Variants in CPVL observed in about 807,000 individuals in gnomAD.
The protein encoded by CPVL is probable serine carboxypeptidase CPVL.
In CPVL, 51 loss-of-function variants were observed where a neutral mutation model predicts 63.7. That is an observed-to-expected ratio of 0.80 (90% CI 0.64 to 1.01). The LOEUF (loss-of-function observed/expected upper bound fraction) is 1.01. Among genes scored for constraint, CPVL ranks in the 50% least tolerant of loss-of-function variants. The probability of loss-of-function intolerance (pLI) is 0.00; values close to 1 mark genes in which losing one functional copy is unlikely to be tolerated. For missense variants in CPVL, 530 were observed against 573.1 expected (o/e 0.92, Z 0.77); for synonymous variants, 195 against 206.0 (o/e 0.95, Z 0.46).
Position 29,175,995 on chromosome 7 carries a change from A to G in CPVL, c.-11+5295T>C, listed in dbSNP as rs957020628. 2.0e-4 allele frequency among the ~76,000 whole-genome samples: 30 copies of G among 152,192 alleles called. 1 individual carries two copies. The highest frequency in any genetic ancestry group is 3.4e-4 in the Non-Finnish European group (23 of 67,984). ...AGGTCAGGAGATCAAGACCATCCTG[A>G]CTAACACGGTGAAACCCCGTCTCTA... On this transcript the variant is annotated intron_variant, in intron 5 of 16. Coordinates refer to the CPVL transcript ENST00000409850.
At position 29,146,411 on chromosome 7, in the gene CPVL, AG is replaced by A; in HGVS notation, c.-11+17del. Reference sequence around the variant, plus strand: ...CCCGCTGAGCTGGCACGACCCACGCAGGGCAGGCGGCACTTACGCGGCGCAG... The same window carrying A: ...CCCGCTGAGCTGGCACGACCCACGCAGGCAGGCGGCACTTACGCGGCGCAG... On this transcript the variant is annotated intron_variant, in intron 1 of 12. Coordinates refer to ENST00000265394, the MANE Select transcript of CPVL (RefSeq NM_031311.5). The A allele has an allele frequency of 2.0e-6, 2 of 977,100 alleles. No homozygotes were observed. The highest frequency in any genetic ancestry group is 2.9e-6 in the Non-Finnish European group (2 of 687,542). The allele number at this position is 977,100 out of a possible 1,614,324, so 60.5% of individuals were successfully genotyped here.
At position 29,146,415 on chromosome 7, in the gene CPVL, C is replaced by A. The variant is rs549958548; in HGVS notation, c.-11+14G>T. 30 of 1,015,496 alleles carry A rather than the reference C, an allele frequency of 3.0e-5. No homozygotes were observed. Among genetic ancestry groups the A allele is most frequent in the Middle Eastern group, 3.3e-4 (1 of 3,054 alleles). 62.9% of individuals were successfully genotyped at this position (1,015,496 alleles called of 1,614,324 possible). ...CTGAGCTGGCACGACCCACGCAGGG[C>A]AGGCGGCACTTACGCGGCGCAGTCG... On this transcript the variant is annotated intron_variant, in intron 1 of 12. Transcript: ENST00000265394.
chr7:29,149,887 T>C (rs189819041), upstream of CPVL, among the ~76,000 whole-genome samples: 1 of 152,314 alleles, frequency 6.6e-6, no homozygotes, highest in Admixed American at 6.5e-5. Flanking sequence ...ACCAATGACA[T>C]TGGATTAGGG....
chr7:29,173,311 C>G (rs1796855089), intron 5 of CPVL, among the ~76,000 whole-genome samples: 1 of 152,028 alleles, frequency 6.6e-6, no homozygotes, highest in African/African-American at 2.4e-5. Context: ...TGCTGGTAGC[C>G]TCGAGTGGGG....
intron 6 of CPVL, among the ~76,000 whole-genome samples, chr7:29,091,733 A>G (rs1785821685): frequency 6.6e-6 from 1 of 152,202 alleles, no homozygotes; most frequent in Admixed American, 6.5e-5. Context: ...GCAGAGGGAG[A>G]GATCTTTGGG....
At position 29,057,557 on chromosome 7, in the gene CPVL, T is replaced by A. The variant is rs79942913; in HGVS notation, c.1137+6504A>T. 9.3e-3 allele frequency among the ~76,000 whole-genome samples: 1,413 copies of A among 152,312 alleles called. 22 individuals carry two copies. Among genetic ancestry groups the A allele is most frequent in the African/African-American group, 0.031 (1,269 of 41,558 alleles). ...TGGATTGTTCCTTTAGCATTGTATC[T>A]GAAACATCAACACCATACCCAAGGT... On this transcript the variant is annotated intron_variant, in intron 11 of 12. Coordinates refer to ENST00000265394, the MANE Select transcript of CPVL (RefSeq NM_031311.5).
intron 5 of CPVL, among the ~76,000 whole-genome samples, chr7:29,153,335 C>A (rs1793871846): frequency 6.6e-6 from 1 of 152,140 alleles, no homozygotes; most frequent in Non-Finnish European, 1.5e-5. Context: ...TGTGTTTCAA[C>A]TACACAAGTC....
At chr7:29,129,781 A>G (rs760843631) in intron 1 of CPVL, among the ~76,000 whole-genome samples, 1 of 152,118 alleles carries the variant, frequency 6.6e-6, no homozygotes, top group Non-Finnish European at 1.5e-5. Flanking sequence ...AAGTAACTTT[A>G]CACCAACCTA....
intron 7 of CPVL, among the ~76,000 whole-genome samples, chr7:29,082,866 A>G (rs17676552): frequency 0.11 from 16,125 of 152,318 alleles, 1,074 homozygotes; most frequent in Middle Eastern, 0.15. Context: ...CATCATGGTT[A>G]ACAACATCAC....
chr7:29,121,227 A>G (rs1284827203), intron 1 of CPVL, among the ~76,000 whole-genome samples, 156 bp from the exon 2 acceptor site: 1 of 152,116 alleles, frequency 6.6e-6, no homozygotes, highest in Non-Finnish European at 1.5e-5. Context: ...AGCACACCCA[A>G]TCCCTGCTTA....
chr7:29,059,011 T>C (rs1791016655), intron 11 of CPVL, among the ~76,000 whole-genome samples: 1 of 152,148 alleles, frequency 6.6e-6, no homozygotes, highest in Non-Finnish European at 1.5e-5. Flanking sequence ...TCCTTCTCTT[T>C]CTTCTTGTTC....
intron 12 of CPVL, among the ~76,000 whole-genome samples, chr7:29,027,304 T>C (rs911060189): frequency 6.6e-6 from 1 of 152,082 alleles, no homozygotes; most frequent in Admixed American, 6.6e-5. Flanking sequence ...TGATAAAAAC[T>C]GTCAACAAAT....
At chr7:29,065,189 A>T (rs948477039) in intron 10 of CPVL, among the ~76,000 whole-genome samples, 3 of 152,216 alleles carry the variant, frequency 2.0e-5, no homozygotes, top group African/African-American at 7.2e-5. Flanking sequence ...TTTGTGCTTC[A>T]TCAACAATTT....
In CPVL at chr7:29,086,526, T is replaced by G; in HGVS notation, c.567A>C (p.Ile189=). The change falls in exon 7 of 13, where the codon ATA becomes ATC. Residue 189 remains isoleucine, a synonymous_variant. Transcript: ENST00000265394. ...LYSALIQFFQ[I]FPEYKNNDFY... Reference sequence around the variant, plus strand: ...AGTCATTATTTTTATATTCAGGAAATATCTGGAAAAACTGAATTAGTGCAC... The same window carrying G: ...AGTCATTATTTTTATATTCAGGAAAGATCTGGAAAAACTGAATTAGTGCAC... 1 of 1,611,884 alleles carries G rather than the reference T, an allele frequency of 6.2e-7. No homozygotes were observed. Among genetic ancestry groups the G allele is most frequent in the Admixed American group, 1.7e-5 (1 of 59,960 alleles).
At chr7:29,086,400 A>AT in intron 7 of CPVL, 84 bp downstream of exon 7, 1 of 962,684 alleles carries the variant, frequency 1.0e-6, no homozygotes, top group Non-Finnish European at 1.7e-6. Context: ...ACATATATAG[A>AT]TTTTAAATGA....
intron 1 of CPVL, chr7:29,194,800 T>C (rs1332901496): frequency 9.6e-6 from 6 of 622,846 alleles, no homozygotes; most frequent in Non-Finnish European, 2.4e-6. Flanking sequence ...GCAGGCAGAG[T>C]CCGGAGGCTG....
At chr7:29,064,971 T>C (rs1783006454) in intron 10 of CPVL, among the ~76,000 whole-genome samples, 2 of 150,632 alleles carry the variant, frequency 1.3e-5, no homozygotes, top group African/African-American at 2.4e-5. Context: ...TTGACTATAA[T>C]AAAGGGGAAA....
At chr7:29,158,956 T>A (rs934668811) in intron 5 of CPVL, among the ~76,000 whole-genome samples, 3 of 152,238 alleles carry the variant, frequency 2.0e-5, no homozygotes, top group African/African-American at 7.2e-5. Context: ...CCAAATAAGA[T>A]ACCCTGCGGC....
At chr7:29,084,909 C>A (rs956266685) in intron 7 of CPVL, among the ~76,000 whole-genome samples, 2 of 152,074 alleles carry the variant, frequency 1.3e-5, no homozygotes, top group African/African-American at 2.4e-5. Context: ...CCATATTGGG[C>A]ATATTGTAAA....
Sources: gnomAD v4.1 joint callset for allele counts (sites outside exome capture counted in the v4.1 genomes callset) on GRCh38, gnomAD v4.1.1 for gene constraint, MANE v1.5 for transcripts, NCBI Gene and HGNC (gene_info 2026-07-23, HGNC 2026-07-21) for gene names.